The following RTTN variants were observed in gnomAD, a reference collection of about 807,000 sequenced individuals.
RTTN encodes rotatin.
Under a neutral mutation model 269.2 loss-of-function variants are expected in RTTN, and 182 were observed. That is an observed-to-expected ratio of 0.68 (90% CI 0.60 to 0.76). RTTN has a LOEUF of 0.76. Ranked by LOEUF, RTTN falls within the 30% of genes least tolerant of loss-of-function variation. The pLI is 0.00. For missense variants in RTTN, 2,545 were observed against 2,608.6 expected (o/e 0.98, Z 0.53); for synonymous variants, 1,006 against 963.5 (o/e 1.04, Z -0.82).
chr18:70,004,920 A>G (rs763212231), intron 48 of RTTN, among the ~76,000 whole-genome samples: 2 of 152,228 alleles, frequency 1.3e-5, no homozygotes, highest in Non-Finnish European at 2.9e-5. Flanking sequence ...AGTTCTTATC[A>G]CTAAGAACAT....
chr18:70,190,762 C>A, intron 8 of RTTN, 43 bp from the exon 9 acceptor site: 1 of 1,429,560 alleles, frequency 7.0e-7, no homozygotes, highest in South Asian at 1.2e-5. Context: ...CAGAAACAAT[C>A]CCCAAACAGA....
chr18:70,109,763 G>C, intron 27 of RTTN, 46 bp from the exon 28 acceptor site: 1 of 1,420,808 alleles, frequency 7.0e-7, no homozygotes, highest in Non-Finnish European at 9.9e-7. Context: ...AAAGTATAAT[G>C]GGCTTAATGG....
chr18:70,127,690 T>C lies in RTTN; in HGVS notation c.3195A>G (p.Ile1065Met). The C allele has an allele frequency of 1.9e-6, 3 of 1,613,398 alleles. No individual in the cohort carries two copies. The highest frequency in any genetic ancestry group is 2.5e-6 in the Non-Finnish European group (3 of 1,179,626). The change falls in exon 25 of 49, where the codon ATA becomes ATG. Residue 1065 changes from isoleucine to methionine, a missense_variant. Transcript: ENST00000640769. ...LSTEDILTLK[I>M]THMASGLQDC... ...CCTGCAGCCCACTAGCCATGTGTGT[T>C]ATCTTCAGAGTGAGGATGTCCTCTG...
At chr18:70,062,198 GGATT>G (rs1219438740) in intron 35 of RTTN, among the ~76,000 whole-genome samples, 1 of 152,096 alleles carries the variant, frequency 6.6e-6, no homozygotes, top group African/African-American at 2.4e-5. Flanking sequence ...AAATGTAGCT[GGATT>G]AATTGGTTTG....
At chr18:70,160,287 A>G (rs2060792517) in intron 14 of RTTN, among the ~76,000 whole-genome samples, 1 of 152,122 alleles carries the variant, frequency 6.6e-6, no homozygotes, top group Non-Finnish European at 1.5e-5. Flanking sequence ...ACATATGCAA[A>G]TCAATAAATG....
At chr18:70,039,971 C>A (rs1212120410) in intron 40 of RTTN, among the ~76,000 whole-genome samples, 1 of 151,896 alleles carries the variant, frequency 6.6e-6, no homozygotes, top group Non-Finnish European at 1.5e-5. Context: ...AAAAAGGATA[C>A]AAATGGAGAC....
chr18:70,126,264 A>G (rs1008638734), intron 25 of RTTN, among the ~76,000 whole-genome samples: 5 of 152,256 alleles, frequency 3.3e-5, no homozygotes, highest in South Asian at 2.1e-4. Context: ...AAGAAAACTT[A>G]GTGCAATGAA....
At position 70,030,994 on chromosome 18, in the gene RTTN, T is replaced by C. The variant is rs141382096; in HGVS notation, c.5542-13A>G. On this transcript the variant is annotated splice_polypyrimidine_tract_variant and intron_variant, in intron 40 of 48. Transcript: ENST00000640769. ...TCCCTTCATAGCACTGCAGAGAATA[T>C]AAATCAAACTGCCTTGAAGAAATAT... 2.6e-6 allele frequency: 4 copies of C among 1,559,522 alleles called. No homozygotes were observed. The highest frequency in any genetic ancestry group is 3.5e-6 in the Non-Finnish European group (4 of 1,137,460).
chr18:70,013,246 T>C (rs1457710476), intron 46 of RTTN, among the ~76,000 whole-genome samples: 2 of 152,224 alleles, frequency 1.3e-5, no homozygotes, highest in Non-Finnish European at 2.9e-5. Flanking sequence ...ATGTTCCATC[T>C]GAGTAGCATC....
intron 10 of RTTN, among the ~76,000 whole-genome samples, chr18:70,184,271 A>C (rs1413741516): frequency 4.6e-5 from 7 of 152,226 alleles, no homozygotes; most frequent in African/African-American, 9.6e-5. Flanking sequence ...GAGCTAAATA[A>C]GGCTGGGCAC....
intron 10 of RTTN, among the ~76,000 whole-genome samples, chr18:70,183,597 C>T (rs916193457): frequency 1.3e-5 from 2 of 152,138 alleles, no homozygotes; most frequent in African/African-American, 4.8e-5. Context: ...CTTAACACTT[C>T]CTCAAGGTTT....
intron 40 of RTTN, among the ~76,000 whole-genome samples, chr18:70,043,434 TGG>T (rs2057401959): frequency 6.6e-6 from 1 of 151,780 alleles, no homozygotes; most frequent in Non-Finnish European, 1.5e-5. Context: ...GCAGGGTAGG[TGG>T]GTGAGGCATG....
At position 70,028,805 on chromosome 18, in the gene RTTN, T is replaced by C; in HGVS notation, c.5746-4A>G. ...ACTCTTTAATAACACCATCCTCCTA[T>C]TTAAACAAAAAGCAGTTGAAAACTG... On this transcript the variant is annotated splice_polypyrimidine_tract_variant and splice_region_variant and intron_variant, in intron 42 of 48. Coordinates refer to ENST00000640769, the MANE Select transcript of RTTN (RefSeq NM_173630.4). The C allele has an allele frequency of 1.2e-6, 2 of 1,605,856 alleles. No individual in the cohort carries two copies. The highest frequency in any genetic ancestry group is 1.7e-6 in the Non-Finnish European group (2 of 1,173,692).
chr18:70,048,052 A>G lies in RTTN; in HGVS notation c.5460T>C (p.Cys1820=), dbSNP rs149113978. ...LQAKSKTHLC[C]SPTVASLLDD... ...CAAGAAGTGAAGCCACTGTTGGACT[A>G]CAGCATAAATGTGTTTTGCTCTTAG... is the stretch of plus-strand genomic sequence containing the variant. Residue 1820 remains cysteine, a synonymous_variant, in exon 40 of 49, where the codon TGT becomes TGC. Coordinates refer to ENST00000640769, the MANE Select transcript of RTTN (RefSeq NM_173630.4). 14 of 1,614,178 alleles carry G rather than the reference A, an allele frequency of 8.7e-6. No individual in the cohort carries two copies. Among genetic ancestry groups the G allele is most frequent in the Middle Eastern group, 1.7e-4 (1 of 6,060 alleles).
chr18:70,173,763 A>G (rs2061211603), intron 11 of RTTN, among the ~76,000 whole-genome samples: 1 of 152,222 alleles, frequency 6.6e-6, no homozygotes, highest in Non-Finnish European at 1.5e-5. Flanking sequence ...TTAAAAATAC[A>G]GTCAGTAAGA....
chr18:70,116,740 T>C (rs964830034), intron 26 of RTTN, among the ~76,000 whole-genome samples: 3 of 152,038 alleles, frequency 2.0e-5, no homozygotes, highest in African/African-American at 4.8e-5. Context: ...CATATCCAAC[T>C]TTACATCCAT....
Position 70,068,555 on chromosome 18 carries a change from T to C in RTTN, c.4654-2633A>G, listed in dbSNP as rs564136221. 8.5e-5 allele frequency among the ~76,000 whole-genome samples: 13 copies of C among 152,320 alleles called. No homozygotes were observed. In the South Asian group the frequency reaches 2.3e-3, roughly 27 times the overall value. ...CCCTGTGTCCCCGCGGAACTTCAGCTAGACTAACTTCAGCTGCCCCATCCC... is the reference window on the plus strand; with the variant it reads ...CCCTGTGTCCCCGCGGAACTTCAGCCAGACTAACTTCAGCTGCCCCATCCC... On this transcript the variant is annotated intron_variant, in intron 34 of 48. Transcript: ENST00000640769.
chr18:70,193,453 T>A lies in RTTN; in HGVS notation c.842A>T (p.Asp281Val). Residue 281 changes from aspartate to valine, a missense_variant and splice_region_variant, in exon 8 of 49, where the codon GAC becomes GTC. Transcript: ENST00000640769. ...RDPGFFSNKH[D>V]TVSQNSSLSY... Reference sequence around the variant, plus strand: ...CAAAGAAGAATTTTGGGAAACTGTGTCTGGGGAAACAAAGAAAAAATAAAA... The same window carrying A: ...CAAAGAAGAATTTTGGGAAACTGTGACTGGGGAAACAAAGAAAAAATAAAA... 6.7e-7 allele frequency: 1 copy of A among 1,503,056 alleles called. No individual in the cohort carries two copies. Among genetic ancestry groups the A allele is most frequent in the Non-Finnish European group, 8.9e-7 (1 of 1,125,706 alleles). 93.1% of individuals were successfully genotyped at this position (1,503,056 alleles called of 1,614,324 possible). A position where few individuals can be genotyped will look rare whatever the true frequency, so the allele number is the denominator to read the frequency against.
At chr18:70,055,890 G>C (rs1053563023) in intron 37 of RTTN, among the ~76,000 whole-genome samples, 6 of 152,030 alleles carry the variant, frequency 3.9e-5, no homozygotes, top group Admixed American at 2.0e-4. Flanking sequence ...CTTTAGCAGA[G>C]TATCACCCCA....
Sources: allele counts gnomAD v4.1 joint callset (sites outside exome capture counted in the v4.1 genomes callset), GRCh38; gene constraint gnomAD v4.1.1; transcripts MANE v1.5; gene names NCBI Gene and HGNC (gene_info 2026-07-23, HGNC 2026-07-21).